The following SRSF9 variants were observed in gnomAD, a reference collection of about 807,000 sequenced individuals.
The protein encoded by SRSF9 is serine and arginine rich splicing factor 9.
A neutral mutation model predicts 25.9 loss-of-function variants in SRSF9; 3 were observed. The observed-to-expected ratio is 0.12, with a 90% CI of 0.05 to 0.30. The LOEUF is 0.30. Ranked by LOEUF, SRSF9 falls within the 10% of genes least tolerant of loss-of-function variation. The pLI is 1.00. For missense variants in SRSF9, 161 were observed against 303.5 expected, an observed-to-expected ratio of 0.53 and a Z score of 3.49; for synonymous variants, 114 against 113.2, an observed-to-expected ratio of 1.01 and a Z score of -0.05.
chr12:120,463,973 C>A lies in SRSF9; in HGVS notation c.499G>T (p.Asp167Tyr). 6.2e-7 allele frequency: 1 copy of A among 1,612,128 alleles called. No individual in the cohort carries two copies. The highest frequency in any genetic ancestry group is 8.5e-7 in the Non-Finnish European group (1 of 1,178,912). The stretch of plus-strand genomic sequence containing the variant: ...ACCTCATGAGAGCGGAATTTGGTGT[C>A]ATCCAGTTTACGCAGGGCATATTCC... ...DMEYALRKLD[D>Y]TKFRSHEGET... Residue 167 changes from aspartate to tyrosine, a missense_variant, in exon 3 of 4, where the codon GAC (aspartate) becomes TAC (tyrosine). Around this residue, in one of 3 missense-constraint regions of SRSF9, gnomAD observed 41 missense variants for 126.7 expected, o/e 0.32. Transcript: ENST00000229390.
chr12:120,465,985 A>T (rs1014942216), intron 1 of SRSF9, among the ~76,000 whole-genome samples, 198 bp from the exon 2 acceptor site: 1 of 152,188 alleles, frequency 6.6e-6, no homozygotes, highest in Non-Finnish European at 1.5e-5. Context: ...TAACCTTTAC[A>T]GCTGTCACAC....
intron 1 of SRSF9, among the ~76,000 whole-genome samples, chr12:120,466,577 A>G (rs1216619713): frequency 2.0e-5 from 3 of 151,756 alleles, no homozygotes; most frequent in Non-Finnish European, 2.9e-5. Flanking sequence ...TTGCTCTGTC[A>G]CCAAGGCTGA....
At chr12:120,468,581 T>A (rs1472637344) in intron 1 of SRSF9, among the ~76,000 whole-genome samples, 5 of 152,092 alleles carry the variant, frequency 3.3e-5, no homozygotes, top group African/African-American at 1.2e-4. Flanking sequence ...ACATTCCGCG[T>A]TCCCCGGGAG....
chr12:120,464,028 C>A lies in SRSF9; in HGVS notation c.444G>T (p.Gly148=). The A allele has an allele frequency of 6.2e-7, 1 of 1,614,190 alleles. No homozygotes were observed. Among genetic ancestry groups the A allele is most frequent in the Non-Finnish European group, 8.5e-7 (1 of 1,180,016 alleles). The change falls in exon 3 of 4, where the codon GGG becomes GGT. Residue 148 remains glycine (G), a synonymous_variant. Coordinates refer to ENST00000229390, the MANE Select transcript of SRSF9 (RefSeq NM_003769.3). ...CTTCTTTTCTGAGATACTCGACCATCCCCACTCCATCCTTCTGCACATCAG... is the reference window on the plus strand; with the variant it reads ...CTTCTTTTCTGAGATACTCGACCATACCCACTCCATCCTTCTGCACATCAG... The part of the protein sequence containing the change: ...CYADVQKDGV[G]MVEYLRKEDM...
intron 1 of SRSF9, 83 bp downstream of exon 1, chr12:120,469,339 G>GGGGAGCCCTGGGGGAC (rs1878577657): frequency 3.9e-6 from 4 of 1,019,494 alleles, no homozygotes; most frequent in African/African-American, 1.6e-5. Context: ...GCCGGGGGGA[G>GGGGAGCCCTGGGGGAC]GGGAGCCCTG....
At chr12:120,466,954 C>T (rs1028954380) in intron 1 of SRSF9, among the ~76,000 whole-genome samples, 2 of 152,128 alleles carry the variant, frequency 1.3e-5, no homozygotes, top group Admixed American at 6.6e-5. Context: ...TTAAGTCTTT[C>T]CTAGGACTCT....
chr12:120,462,332 C>T (rs1478541688), intron 3 of SRSF9, 170 bp from the exon 4 acceptor site: 2 of 563,138 alleles, frequency 3.6e-6, no homozygotes, highest in Admixed American at 3.9e-5. Flanking sequence ...GGTAGGTACT[C>T]TTACTATCCC....
intron 1 of SRSF9, 52 bp downstream of exon 1, chr12:120,469,370 G>A: frequency 2.0e-6 from 3 of 1,471,486 alleles, no homozygotes; most frequent in East Asian, 2.7e-5. Flanking sequence ...CAGCAGGGAA[G>A]GCGGGGGCCT....
chr12:120,462,031 G>A lies in SRSF9; in HGVS notation c.654C>T (p.Phe218=), dbSNP rs777833144. Residue 218 remains phenylalanine, a synonymous_variant, in exon 4 of 4, where the codon TTC becomes TTT. Coordinates refer to ENST00000229390, the MANE Select transcript of SRSF9 (RefSeq NM_003769.3). The part of the protein sequence containing the change: ...SRGSPHYFSP[F]RPY ...CCCATCACCTGTCTCAGTAGGGCCT[G>A]AAAGGAGAGAAGTAGTGTGGGGAAC... 4 of 1,611,086 alleles carry A rather than the reference G, an allele frequency of 2.5e-6. No individual in the cohort carries two copies. Among genetic ancestry groups the A allele is most frequent in the Non-Finnish European group, 3.4e-6 (4 of 1,179,440 alleles).
At position 120,461,884 on chromosome 12, in the gene SRSF9, G is replaced by A; in HGVS notation, c.*135C>T. ...ATATGGCCCTGGTAGAAATTATGTAGTTTTTTTTCTTCTTTAAAAAAAAAA... is the reference window on the plus strand; with the variant it reads ...ATATGGCCCTGGTAGAAATTATGTAATTTTTTTTCTTCTTTAAAAAAAAAA... On this transcript the variant is annotated 3_prime_UTR_variant, in exon 4 of 4. Coordinates refer to ENST00000229390, the MANE Select transcript of SRSF9 (RefSeq NM_003769.3). The A allele has an allele frequency of 1.0e-6, 1 of 960,156 alleles. No homozygotes were observed. Among genetic ancestry groups the A allele is most frequent in the Non-Finnish European group, 1.4e-6 (1 of 705,484 alleles). The allele number at this position is 960,156 out of a possible 1,614,324, so 59.5% of individuals were successfully genotyped here.
At chr12:120,464,272 A>G (rs1366695036) in intron 2 of SRSF9, 150 bp from the exon 3 acceptor site, 4 of 874,086 alleles carry the variant, frequency 4.6e-6, no homozygotes, top group Non-Finnish European at 6.8e-6. Context: ...ATGAAATCAG[A>G]AAAGAGCACT....
Position 120,461,964 on chromosome 12 carries a change from G to A in SRSF9, c.*55C>T. 6.6e-7 allele frequency: 1 copy of A among 1,504,324 alleles called. No homozygotes were observed. The highest frequency in any genetic ancestry group is 2.4e-5 in the East Asian group (1 of 41,410). 93.2% of individuals were successfully genotyped at this position (1,504,324 alleles called of 1,614,324 possible). On this transcript the variant is annotated 3_prime_UTR_variant, in exon 4 of 4. Transcript: ENST00000229390. ...CCTCAATCTGGAATGTAGATTCTGA[G>A]CACAAAGCAGCTCAGTTAACCTAAA...
rs1393146120 is a variant in SRSF9, at chr12:120,469,670, G to GGTCCCCCCGCAGC, written c.-74_-62dup. The GGTCCCCCCGCAGC allele has an allele frequency of 6.4e-6, 7 of 1,101,098 alleles. No homozygotes were observed. In the African/African-American group the frequency reaches 9.9e-5, roughly 16 times the overall value. 68.2% of individuals were successfully genotyped at this position (1,101,098 alleles called of 1,614,324 possible). On this transcript the variant is annotated 5_prime_UTR_variant, in exon 1 of 4. Transcript: ENST00000229390. ...ACGTCGCCGCCGCCGCCTCAGCACG[G>GGTCCCCCCGCAGC]GTCCCCCCGCAGCGTCCCCGCGGGC...
At chr12:120,466,052 GC>G (rs1565917288) in intron 1 of SRSF9, among the ~76,000 whole-genome samples, 2 of 152,148 alleles carry the variant, frequency 1.3e-5, no homozygotes, top group Non-Finnish European at 1.5e-5. Context: ...TCATAAGAGG[GC>G]TAATTCAGAG....
rs1255038966 is a variant in SRSF9 at position 120,468,164 on chromosome 12, T to C, written c.188+1258A>G. On this transcript the variant is annotated intron_variant, in intron 1 of 3. Coordinates refer to ENST00000229390, the MANE Select transcript of SRSF9 (RefSeq NM_003769.3). ...AATACTAAATACAGGCTGGGCGGGT[T>C]GCTCACGCCTGTAATCCTAACAATT... Among the ~76,000 whole-genome samples, 5 of 145,340 alleles carry C rather than the reference T, an allele frequency of 3.4e-5. No individual in the cohort carries two copies. In the East Asian group the frequency reaches 1.1e-3, roughly 31 times the overall value.
intron 1 of SRSF9, among the ~76,000 whole-genome samples, chr12:120,469,131 C>G (rs1475612982): frequency 6.6e-6 from 1 of 152,188 alleles, no homozygotes; most frequent in Admixed American, 6.5e-5. Context: ...TCATTTGGAC[C>G]CCCCGAGGCC....
rs776930825 is a variant in SRSF9 at position 120,462,038 on chromosome 12, G to C, written c.647C>G (p.Ser216Cys). 2.8e-5 allele frequency: 45 copies of C among 1,611,342 alleles called. No homozygotes were observed. Among genetic ancestry groups the C allele is most frequent in the Non-Finnish European group, 3.7e-5 (44 of 1,179,574 alleles). ...CCTGTCTCAGTAGGGCCTGAAAGGA[G>C]AGAAGTAGTGTGGGGAACCCCTGCT... is the stretch of plus-strand genomic sequence containing the variant. Reference protein sequence around the residue: ...YQSRGSPHYFSPFRPY With the variant: ...YQSRGSPHYFCPFRPY The change falls in exon 4 of 4, where the codon TCT (serine) becomes TGT (cysteine). Residue 216 changes from serine to cysteine, a missense_variant. By Grantham distance (112) the Ser-to-Cys change is moderately radical (BLOSUM62 -1). Transcript: ENST00000229390.
intron 3 of SRSF9, 58 bp from the exon 4 acceptor site, chr12:120,462,220 T>G: frequency 2.0e-6 from 3 of 1,533,892 alleles, no homozygotes; most frequent in South Asian, 2.4e-5. Context: ...GCCAGAAGAA[T>G]AAGCAAACCA....
At chr12:120,467,394 A>G (rs1433496355) in intron 1 of SRSF9, among the ~76,000 whole-genome samples, 1 of 152,092 alleles carries the variant, frequency 6.6e-6, no homozygotes. Context: ...CCAGCTACTC[A>G]GGAGGCTGAG....
Sources: allele counts gnomAD v4.1 joint callset (sites outside exome capture counted in the v4.1 genomes callset), GRCh38; gene constraint gnomAD v4.1.1; regional missense constraint gnomAD v4.1.1; transcripts MANE v1.5; gene names NCBI Gene and HGNC (gene_info 2026-07-23, HGNC 2026-07-21).